Variants in FBH1 observed in about 807,000 individuals in gnomAD.
The protein encoded by FBH1 is F-box DNA helicase 1.
Under a neutral mutation model 115.5 loss-of-function variants are expected in FBH1, and 43 were observed. The observed-to-expected ratio is 0.37, with a 90% CI of 0.29 to 0.48. FBH1 has a LOEUF of 0.48. Ranked by LOEUF, FBH1 falls within the 20% of genes least tolerant of loss-of-function variation. The probability of loss-of-function intolerance (pLI) is 0.99; values close to 1 mark genes in which losing one functional copy is unlikely to be tolerated. For synonymous variants in FBH1, 524 were observed against 507.8 expected (o/e 1.03, Z -0.43); for missense variants, 1,001 against 1,337.3 (o/e 0.75, Z 3.92).
chr10:5,918,507 T>C lies in FBH1; in HGVS notation c.2100+29T>C. 1 of 1,530,984 alleles carries C rather than the reference T, an allele frequency of 6.5e-7. No individual in the cohort carries two copies. 94.8% of individuals were successfully genotyped at this position (1,530,984 alleles called of 1,614,324 possible). ...AGTGCGCACTCTGCATGGGAGGCAT[T>C]GCATCTCTCTCCCAATGTCTTACGT... is the stretch of plus-strand genomic sequence containing the variant. On this transcript the variant is annotated intron_variant, in intron 13 of 20. Transcript: ENST00000362091. The surrounding 1 kb of genome is among the most constrained non-coding windows in gnomAD (Gnocchi z 4.0).
At chr10:5,901,111 G>T (rs1445545793) in intron 1 of FBH1, among the ~76,000 whole-genome samples, 1 of 150,956 alleles carries the variant, frequency 6.6e-6, no homozygotes, top group Non-Finnish European at 1.5e-5. Context: ...AAAGAAAAAA[G>T]AAAAAAAAAG....
In FBH1 at chr10:5,906,111, A is replaced by C. The variant is rs749006917; in HGVS notation, c.232A>C (p.Ser78Arg). The C allele has an allele frequency of 1.9e-6, 3 of 1,614,182 alleles. No individual in the cohort carries two copies. The South Asian group carries it at 3.3e-5, about 18-fold the overall frequency. The change falls in exon 3 of 21, where the codon AGC becomes CGC. Residue 78 changes from serine (S) to arginine (R), a missense_variant. Around this residue, in one of 4 missense-constraint regions of FBH1, gnomAD observed 420 missense variants for 430.4 expected, o/e 0.98. Transcript: ENST00000362091. This position sits in a 1 kb window ranked among gnomAD's most constrained non-coding sequence, Gnocchi z 7.3. ...KQPCTNDMAK[S>R]NSVGQDSCQD... ...GCCGTGCACCAATGACATGGCCAAA[A>C]GCAATTCTGTTGGCCAGGACAGCTG...
rs1483583697 is a variant in FBH1 at position 5,917,660 on chromosome 10, C to G, written c.1947C>G (p.Ala649=). The change falls in exon 12 of 21, where the codon GCC becomes GCG. Residue 649 remains alanine (A), a synonymous_variant. Transcript: ENST00000362091. The surrounding 1 kb of genome is among the most constrained non-coding windows in gnomAD (Gnocchi z 5.6). The part of the protein sequence containing the change: ...ASFDAIFVDE[A]QDCTPAIMNI... ...TTGACGCCATCTTTGTGGATGAGGC[C>G]CAGGACTGCACACCAGGTGATACAC... is the stretch of plus-strand genomic sequence containing the variant. The G allele has an allele frequency of 6.2e-7, 1 of 1,613,730 alleles. No individual in the cohort carries two copies. Among genetic ancestry groups the G allele is most frequent in the South Asian group, 1.1e-5 (1 of 91,010 alleles).
rs1301799765 is a variant in FBH1 at position 5,909,261 on chromosome 10, G to A, written c.987G>A (p.Arg329=). 6.2e-7 allele frequency: 1 copy of A among 1,612,046 alleles called. No homozygotes were observed. Among genetic ancestry groups the A allele is most frequent in the East Asian group, 2.2e-5 (1 of 44,890 alleles). ...PLLPEAEACV[R]QHLPDLYAAA... Reference sequence around the variant, plus strand: ...TCCCCGAGGCTGAGGCGTGTGTGCGGCAACACCTCCCCGACCTCTACGCTG... The same window carrying A: ...TCCCCGAGGCTGAGGCGTGTGTGCGACAACACCTCCCCGACCTCTACGCTG... The change falls in exon 5 of 21, where the codon CGG becomes CGA. Residue 329 remains arginine (R), a synonymous_variant. Coordinates refer to ENST00000362091, the MANE Select transcript of FBH1 (RefSeq NM_178150.3). This position sits in a 1 kb window ranked among gnomAD's most constrained non-coding sequence, Gnocchi z 4.4.
Position 5,917,184 on chromosome 10 carries a change from T to C in FBH1, c.1789-236T>C, listed in dbSNP as rs572656740. 9 of 546,694 alleles carry C rather than the reference T, an allele frequency of 1.6e-5. No homozygotes were observed. Among genetic ancestry groups the C allele is most frequent in the Admixed American group, 3.1e-5 (1 of 32,172 alleles). 33.9% of individuals were successfully genotyped at this position (546,694 alleles called of 1,614,324 possible). ...CCTTTTCTGGTTCACCTAACTGTTA[T>C]GATCTCTGTCCTGTCACGGGCATGG... On this transcript the variant is annotated intron_variant, in intron 10 of 20. Coordinates refer to ENST00000362091, the MANE Select transcript of FBH1 (RefSeq NM_178150.3). This position sits in a 1 kb window ranked among gnomAD's most constrained non-coding sequence, Gnocchi z 5.6.
In FBH1 at chr10:5,913,480, G is replaced by A. The variant is rs543057608; in HGVS notation, c.1212-267G>A. Among the ~76,000 whole-genome samples the A allele has an allele frequency of 3.3e-5, 5 of 152,172 alleles. No homozygotes were observed. In the South Asian group the frequency reaches 6.2e-4, roughly 19 times the overall value. On this transcript the variant is annotated intron_variant, in intron 6 of 20. Coordinates refer to ENST00000362091, the MANE Select transcript of FBH1 (RefSeq NM_178150.3). This position sits in a 1 kb window ranked among gnomAD's most constrained non-coding sequence, Gnocchi z 4.4. ...TTTGTCTCTTCAAGTCACAGCTGGC[G>A]CCCCTCATTCCCTGAAGAGCCCGTC...
chr10:5,903,888 G>A (rs1843528810), intron 2 of FBH1, among the ~76,000 whole-genome samples: 1 of 152,084 alleles, frequency 6.6e-6, no homozygotes, highest in Middle Eastern at 3.2e-3. Flanking sequence ...CCTAGGACCT[G>A]GACTACTACA....
At chr10:5,896,397 G>A (rs1843005531) in intron 1 of FBH1, among the ~76,000 whole-genome samples, 1 of 152,168 alleles carries the variant, frequency 6.6e-6, no homozygotes, top group Non-Finnish European at 1.5e-5. Flanking sequence ...GGTTAGCAAA[G>A]AGAGGTGGGT....
chr10:5,911,138 C>T lies in FBH1; in HGVS notation c.1211+10C>T, dbSNP rs537422355. 41 of 1,603,542 alleles carry T rather than the reference C, an allele frequency of 2.6e-5. No homozygotes were observed. The highest frequency in any genetic ancestry group is 4.4e-5 in the South Asian group (4 of 90,404). On this transcript the variant is annotated intron_variant, in intron 6 of 20. Transcript: ENST00000362091. The surrounding 1 kb of genome is among the most constrained non-coding windows in gnomAD (Gnocchi z 5.4). ...TTAACATCAGCAATAGGTAATGCCC[C>T]GGGAGGAGGGGAGGGGATGCTGTGA...
rs768796990 is a variant in FBH1 at position 5,937,157 on chromosome 10, G to A, written c.3009G>A (p.Ala1003=). The change falls in exon 21 of 21, where the codon GCG becomes GCA. Residue 1003 remains alanine (A), a synonymous_variant. Coordinates refer to ENST00000362091, the MANE Select transcript of FBH1 (RefSeq NM_178150.3). ...NKGGYLCHSC[A]EQRIGPLAFL... ...GGGGCTACCTCTGCCACTCCTGTGC[G>A]GAGCAGCGCATCGGGCCCCTGGCGT... is the stretch of plus-strand genomic sequence containing the variant. The A allele has an allele frequency of 1.2e-5, 19 of 1,613,700 alleles. No homozygotes were observed. The highest frequency in any genetic ancestry group is 4.0e-5 in the African/African-American group (3 of 74,936).
intron 1 of FBH1, chr10:5,893,897 T>G (rs1830560718): frequency 6.4e-6 from 5 of 784,040 alleles, no homozygotes; most frequent in Non-Finnish European, 7.7e-6. Context: ...AGAAAAAGCC[T>G]TTCAAATATA....
At position 5,936,209 on chromosome 10, in the gene FBH1, G is replaced by A. The variant is rs1206649277; in HGVS notation, c.2830-247G>A. 3.7e-6 allele frequency: 1 copy of A among 272,362 alleles called. No individual in the cohort carries two copies. The highest frequency in any genetic ancestry group is 2.1e-5 in the African/African-American group (1 of 47,240). The allele number at this position is 272,362 out of a possible 1,614,324, so 16.9% of individuals were successfully genotyped here. ...TCTGGAAATGTCATTACAGGCAATAGTTTTGCATGTTTATCTGTTAAATAT... is the reference window on the plus strand; with the variant it reads ...TCTGGAAATGTCATTACAGGCAATAATTTTGCATGTTTATCTGTTAAATAT... On this transcript the variant is annotated intron_variant, in intron 19 of 20. Transcript: ENST00000362091. This position sits in a 1 kb window ranked among gnomAD's most constrained non-coding sequence, Gnocchi z 5.6.
chr10:5,903,307 T>C (rs1233223275), intron 2 of FBH1, 132 bp downstream of exon 2: 1 of 618,914 alleles, frequency 1.6e-6, no homozygotes, highest in Non-Finnish European at 2.5e-6. Context: ...CTTGACACTT[T>C]TTTTATTGTG....
At position 5,906,276 on chromosome 10, in the gene FBH1, C is replaced by G. The variant is rs1843684639; in HGVS notation, c.397C>G (p.Gln133Glu). Residue 133 changes from glutamine (Q) to glutamate (E), a missense_variant, in exon 3 of 21, where the codon CAG becomes GAG. This residue lies in a region of FBH1 where 420 missense variants were observed against 430.4 expected (regional missense o/e 0.98). Transcript: ENST00000362091. The surrounding 1 kb of genome is among the most constrained non-coding windows in gnomAD (Gnocchi z 7.3). ...TTGGTCCTCTGAGGAAGAGAGTAAC[C>G]AGGCTACCGGGACCAGCCGGTGGGA... is the stretch of plus-strand genomic sequence containing the variant. ...RSWSSEEESN[Q>E]ATGTSRWDGV... The G allele has an allele frequency of 1.9e-6, 3 of 1,614,208 alleles. No individual in the cohort carries two copies. The East Asian group carries it at 6.7e-5, about 36-fold the overall frequency.
intron 6 of FBH1, among the ~76,000 whole-genome samples, chr10:5,912,739 T>C: frequency 6.6e-6 from 1 of 152,200 alleles, no homozygotes. Flanking sequence ...CCCCAATTCT[T>C]GTGTATCAGG....
intron 19 of FBH1, among the ~76,000 whole-genome samples, chr10:5,930,546 T>A (rs1185644575): frequency 6.6e-6 from 1 of 152,258 alleles, no homozygotes; most frequent in Non-Finnish European, 1.5e-5. Context: ...TTGGCAGGCG[T>A]GCCCCATGGG....
Position 5,937,415 on chromosome 10 carries a change from C to A in FBH1, c.*135C>A. 1.1e-6 allele frequency: 1 copy of A among 918,830 alleles called. No individual in the cohort carries two copies. Among genetic ancestry groups the A allele is most frequent in the Non-Finnish European group, 1.5e-6 (1 of 667,672 alleles). 56.9% of individuals were successfully genotyped at this position (918,830 alleles called of 1,614,324 possible). ...ACTTTCTGAGGAAGAGGACACCAGC[C>A]CAAGCTGGACCTGCCATTTCTCCAC... On this transcript the variant is annotated 3_prime_UTR_variant, in exon 21 of 21. Transcript: ENST00000362091.
chr10:5,922,752 G>C (rs1010978084), intron 15 of FBH1, among the ~76,000 whole-genome samples: 3 of 152,240 alleles, frequency 2.0e-5, no homozygotes, highest in Admixed American at 6.5e-5. Context: ...GCCTGGTGCT[G>C]TGTGAGTGCC....
In FBH1 at chr10:5,906,098, T is replaced by C. The variant is rs1843673951; in HGVS notation, c.219T>C (p.Asn73=). The change falls in exon 3 of 21, where the codon AAT becomes AAC. Residue 73 remains asparagine (N), a synonymous_variant. Transcript: ENST00000362091. The surrounding 1 kb of genome is among the most constrained non-coding windows in gnomAD (Gnocchi z 7.3). ...TAGCAGGCAAGCAGCCGTGCACCAA[T>C]GACATGGCCAAAAGCAATTCTGTTG... ...FFLAGKQPCT[N]DMAKSNSVGQ... The C allele has an allele frequency of 6.2e-7, 1 of 1,614,086 alleles. No individual in the cohort carries two copies. The highest frequency in any genetic ancestry group is 8.5e-7 in the Non-Finnish European group (1 of 1,179,984).
Sources: allele counts gnomAD v4.1 joint callset (sites outside exome capture counted in the v4.1 genomes callset), GRCh38; gene constraint gnomAD v4.1.1; regional missense constraint gnomAD v4.1.1; non-coding constraint Gnocchi (gnomAD v3.1); transcripts MANE v1.5; gene names NCBI Gene and HGNC (gene_info 2026-07-23, HGNC 2026-07-21).